Variants in UPP2 observed in about 807,000 individuals in gnomAD.
UPP2 encodes the protein uridine phosphorylase 2, also known as UPase 2.
Under a neutral mutation model 26.7 loss-of-function variants are expected in UPP2, and 23 were observed. The ratio of observed to expected loss-of-function variants is 0.86; its 90% CI spans 0.62 to 1.22. The LOEUF is 1.22. UPP2 is among the 50% of genes most tolerant of loss of function. The probability of loss-of-function intolerance (pLI) is 0.00; values close to 1 mark genes in which losing one functional copy is unlikely to be tolerated. For synonymous variants in UPP2, 127 were observed against 141.3 expected (o/e 0.90, Z 0.72); for missense variants, 387 against 396.7 (o/e 0.98, Z 0.21).
At position 158,114,214 on chromosome 2, in the gene UPP2, G is replaced by A. The variant is rs372608367; in HGVS notation, c.181-887G>A. 2.4e-4 allele frequency among the ~76,000 whole-genome samples: 37 copies of A among 152,170 alleles called. 1 individual carries two copies. In the East Asian group the frequency reaches 4.3e-3, roughly 18 times the overall value. ...TTCCTCACCACTTACTTCAGAATCC[G>A]GGAGGACTTGACTCTTGCCACCTTG... On this transcript the variant is annotated intron_variant, in intron 2 of 6. Coordinates refer to ENST00000005756, the MANE Select transcript of UPP2 (RefSeq NM_173355.4).
chr2:158,101,929 A>T lies in UPP2; in HGVS notation c.-135A>T. 3 of 1,378,220 alleles carry T rather than the reference A, an allele frequency of 2.2e-6. No individual in the cohort carries two copies. Among genetic ancestry groups the T allele is most frequent in the Non-Finnish European group, 2.8e-6 (3 of 1,064,480 alleles). The allele number at this position is 1,378,220 out of a possible 1,614,324, so 85.4% of individuals were successfully genotyped here. A position where few individuals can be genotyped will look rare whatever the true frequency, so the allele number is the denominator to read the frequency against. ...AATTTTCTTAGCAATTTCACAGGAA[A>T]ACCTAAGTTTTAAGAGAGGTTATCA... On this transcript the variant is annotated 5_prime_UTR_variant, in exon 1 of 7. Coordinates refer to ENST00000005756, the MANE Select transcript of UPP2 (RefSeq NM_173355.4).
chr2:158,013,955 T>C (rs1683619428), intron 2 of UPP2, among the ~76,000 whole-genome samples: 1 of 152,220 alleles, frequency 6.6e-6, no homozygotes, highest in African/African-American at 2.4e-5. Context: ...TTACAAGAAC[T>C]GTTCTTCCTC....
intron 5 of UPP2, among the ~76,000 whole-genome samples, chr2:158,123,479 G>A (rs936853677): frequency 6.6e-6 from 1 of 152,126 alleles, no homozygotes; most frequent in Admixed American, 6.6e-5. Flanking sequence ...CACAGTGCTG[G>A]CTGCTGCAGC....
At chr2:158,066,846 G>A (rs977506257) in intron 3 of UPP2, among the ~76,000 whole-genome samples, 1 of 152,098 alleles carries the variant, frequency 6.6e-6, no homozygotes, top group Non-Finnish European at 1.5e-5. Flanking sequence ...ATGGGAGGGG[G>A]CTATTCATTA....
intron 3 of UPP2, among the ~76,000 whole-genome samples, chr2:158,058,019 G>A (rs986698898): frequency 7.2e-5 from 11 of 152,206 alleles, no homozygotes; most frequent in Middle Eastern, 3.4e-3. Flanking sequence ...GGGCCTGGGC[G>A]CAGTGGCTCA....
chr2:158,134,616 C>T lies in UPP2; in HGVS notation c.812-132C>T. ...GAAGACCAGAAGGTTCAGTAGGTTGCATCTACATTACAACAACAACAACAA... is the reference window on the plus strand; with the variant it reads ...GAAGACCAGAAGGTTCAGTAGGTTGTATCTACATTACAACAACAACAACAA... On this transcript the variant is annotated intron_variant, in intron 6 of 6. Transcript: ENST00000005756. 3.7e-6 allele frequency: 4 copies of T among 1,085,684 alleles called. No individual in the cohort carries two copies. In the East Asian group the frequency reaches 1.2e-4, roughly 32 times the overall value. 67.3% of individuals were successfully genotyped at this position (1,085,684 alleles called of 1,614,324 possible). A position where few individuals can be genotyped will look rare whatever the true frequency, so the allele number is the denominator to read the frequency against.
At chr2:158,022,027 A>G (rs1190866897) in intron 3 of UPP2, among the ~76,000 whole-genome samples, 1 of 150,782 alleles carries the variant, frequency 6.6e-6, no homozygotes, top group Non-Finnish European at 1.5e-5. Flanking sequence ...CATACCATAA[A>G]GTCAGCAGTT....
chr2:158,027,598 C>T (rs1683853897), intron 3 of UPP2, among the ~76,000 whole-genome samples: 1 of 152,116 alleles, frequency 6.6e-6, no homozygotes, highest in Non-Finnish European at 1.5e-5. Flanking sequence ...GTGGATCTAC[C>T]ATTCTGGAGT....
In UPP2 at chr2:158,134,827, C is replaced by G; in HGVS notation, c.891C>G (p.Tyr297Ter). 6.2e-7 allele frequency: 1 copy of G among 1,613,506 alleles called. No individual in the cohort carries two copies. Among genetic ancestry groups the G allele is most frequent in the Non-Finnish European group, 8.5e-7 (1 of 1,179,700 alleles). The part of the protein sequence containing the change: ...INLPHDVLVE[Y>*]QQRPQLLISN... ...TGCCTCATGATGTCCTGGTGGAGTACCAGCAACGGCCTCAGCTCCTAATCT... is the reference window on the plus strand; with the variant it reads ...TGCCTCATGATGTCCTGGTGGAGTAGCAGCAACGGCCTCAGCTCCTAATCT... The change falls in exon 7 of 7, where the codon TAC (tyrosine) becomes TAG (stop). Residue 297 changes from tyrosine to a stop codon, truncating the protein, a stop_gained. Transcript: ENST00000005756. LOFTEE classifies it high-confidence loss of function.
At chr2:158,112,260 T>G (rs1308719965) in intron 2 of UPP2, among the ~76,000 whole-genome samples, 1 of 152,150 alleles carries the variant, frequency 6.6e-6, no homozygotes, top group East Asian at 1.9e-4. Flanking sequence ...TGGATAGACA[T>G]AAAGATCACT....
At chr2:158,087,522 A>C (rs947553161) in intron 3 of UPP2, among the ~76,000 whole-genome samples, 1 of 152,156 alleles carries the variant, frequency 6.6e-6, no homozygotes, top group African/African-American at 2.4e-5. Context: ...TATTCTATTC[A>C]TCACGCTATT....
At chr2:158,040,647 C>T (rs1684070793) in intron 3 of UPP2, among the ~76,000 whole-genome samples, 1 of 152,196 alleles carries the variant, frequency 6.6e-6, no homozygotes. Context: ...ATTAAACATA[C>T]ACTTTAATCT....
At chr2:158,042,439 G>C (rs1407194938) in intron 3 of UPP2, among the ~76,000 whole-genome samples, 1 of 152,046 alleles carries the variant, frequency 6.6e-6, no homozygotes, top group East Asian at 1.9e-4. Context: ...CTTAAAACAA[G>C]CTCCACCTTC....
At chr2:158,110,143 A>G (rs995793624) in intron 2 of UPP2, among the ~76,000 whole-genome samples, 1 of 152,008 alleles carries the variant, frequency 6.6e-6, no homozygotes, top group African/African-American at 2.4e-5. Flanking sequence ...TCCTAATGCA[A>G]TCCCTCCCCA....
chr2:158,026,938 G>A (rs552849253), intron 3 of UPP2, among the ~76,000 whole-genome samples: 1 of 152,258 alleles, frequency 6.6e-6, no homozygotes, highest in African/African-American at 2.4e-5. Flanking sequence ...CAGATCTCTT[G>A]AGACTTATTC....
At chr2:158,078,154 A>G (rs1028088396) in intron 3 of UPP2, among the ~76,000 whole-genome samples, 1 of 152,196 alleles carries the variant, frequency 6.6e-6, no homozygotes. Flanking sequence ...AAGGATATGG[A>G]GAAAAGGAAA....
chr2:158,013,686 CAATA>C (rs1486119936), intron 2 of UPP2, among the ~76,000 whole-genome samples: 3 of 152,154 alleles, frequency 2.0e-5, no homozygotes, highest in African/African-American at 7.2e-5. Flanking sequence ...AACAGGCACT[CAATA>C]AATAGTTATT....
chr2:158,116,392 C>T (rs1683432164), intron 3 of UPP2, among the ~76,000 whole-genome samples: 1 of 152,126 alleles, frequency 6.6e-6, no homozygotes, highest in Non-Finnish European at 1.5e-5. Context: ...AAAAATGTGA[C>T]ACTACCATAA....
intron 3 of UPP2, among the ~76,000 whole-genome samples, chr2:158,088,801 C>T (rs763946849): frequency 4.6e-5 from 7 of 152,142 alleles, no homozygotes; most frequent in African/African-American, 9.7e-5. Context: ...CTGGTACTGG[C>T]GAGTGTCCGC....
Sources: allele counts gnomAD v4.1 joint callset (sites outside exome capture counted in the v4.1 genomes callset), GRCh38; gene constraint gnomAD v4.1.1; transcripts MANE v1.5; gene names NCBI Gene and HGNC (gene_info 2026-07-23, HGNC 2026-07-21).